Variants in KIF21B observed in about 807,000 individuals in gnomAD.
KIF21B encodes kinesin-like protein KIF21B.
In KIF21B, 85 loss-of-function variants were observed where a neutral mutation model predicts 192.9. The ratio of observed to expected loss-of-function variants is 0.44; its 90% confidence interval spans 0.37 to 0.53. KIF21B has a LOEUF of 0.53. KIF21B is among the 20% of genes least tolerant of loss of function. The pLI is 0.00. For missense variants in KIF21B, 1,716 were observed against 2,194.8 expected (o/e 0.78, Z 4.36); for synonymous variants, 832 against 884.6 (o/e 0.94, Z 1.05).
In KIF21B at chr1:201,008,897, C is replaced by T; in HGVS notation, c.319G>A (p.Glu107Lys). The T allele has an allele frequency of 6.2e-7, 1 of 1,611,942 alleles. No individual in the cohort carries two copies. The highest frequency in any genetic ancestry group is 8.5e-7 in the Non-Finnish European group (1 of 1,180,004). Residue 107 changes from glutamate (E) to lysine (K), a missense_variant, in exon 3 of 35, where the codon GAG becomes AAG. Glu to Lys is a moderately conservative substitution (Grantham distance 56). Coordinates refer to ENST00000461742, the MANE Select transcript of KIF21B (RefSeq NM_001252102.2). ...MGTGFDMATSEEEQGIIPRAI... is the reference protein window; with the variant it reads ...MGTGFDMATSKEEQGIIPRAI... ...CTCGGGATGATGCCCTGCTCCTCCT[C>T]CGACGTTGCCATGTCAAAGCCAGTG... is the stretch of plus-strand genomic sequence containing the variant.
At chr1:201,004,553 C>G in intron 6 of KIF21B, 98 bp from the exon 7 acceptor site, 3 of 1,175,784 alleles carry the variant, frequency 2.6e-6, no homozygotes, top group Non-Finnish European at 3.7e-6. Context: ...GCCTCTTTGG[C>G]CCCAGCAGCC....
chr1:200,979,472 A>G, intron 30 of KIF21B, 63 bp downstream of exon 30: 1 of 1,322,888 alleles, frequency 7.6e-7, no homozygotes, highest in Non-Finnish European at 1.0e-6. Flanking sequence ...TTGGGCTGGG[A>G]GCATCTGTAC....
chr1:201,005,496 C>T, intron 4 of KIF21B, 49 bp downstream of exon 4: 1 of 1,597,338 alleles, frequency 6.3e-7, no homozygotes, highest in Non-Finnish European at 8.6e-7. Context: ...CCAGCCCCTG[C>T]CCTTTCAGGA....
At chr1:200,996,424 G>A in intron 14 of KIF21B, 29 bp from the exon 15 acceptor site, 1 of 1,603,264 alleles carries the variant, frequency 6.2e-7, no homozygotes. Flanking sequence ...AGCTGTCGGT[G>A]CTGGGTCCCT....
intron 23 of KIF21B, 49 bp downstream of exon 23, chr1:200,988,444 C>T (rs1408762120): frequency 6.2e-7 from 1 of 1,611,210 alleles, no homozygotes; most frequent in South Asian, 1.1e-5. Context: ...CCCACCAGCC[C>T]CAGGTACATG....
At chr1:201,005,832 A>T in intron 3 of KIF21B, 138 bp from the exon 4 acceptor site, 1 of 873,852 alleles carries the variant, frequency 1.1e-6, no homozygotes, top group Non-Finnish European at 1.8e-6. Context: ...GAATCCCATG[A>T]CCTTTCTGCA....
At chr1:200,983,211 A>G in intron 27 of KIF21B, 117 bp from the exon 28 acceptor site, 1 of 841,400 alleles carries the variant, frequency 1.2e-6, no homozygotes, top group Non-Finnish European at 1.9e-6. Context: ...CTTCCAGCGG[A>G]GCAGAGACAG....
At chr1:201,020,808 T>TACACACACACACACAC (rs60686711) in intron 1 of KIF21B, among the ~76,000 whole-genome samples, 4,383 of 142,824 alleles carry the variant, frequency 0.031, 124 homozygotes, top group African/African-American at 0.062. Context: ...CTCTCTCCTC[T>TACACACACACACACAC]ACACACACAC....
At chr1:200,973,664 G>A in intron 34 of KIF21B, 86 bp from the exon 35 acceptor site, 2 of 1,510,056 alleles carry the variant, frequency 1.3e-6, no homozygotes, top group Non-Finnish European at 1.8e-6. Flanking sequence ...GGATGAACTG[G>A]ATTCCCCAAA....
rs1372756587 is a variant in KIF21B at position 201,017,107 on chromosome 1, C to G, written c.41+6236G>C. On this transcript the variant is annotated intron_variant, in intron 1 of 34. Transcript: ENST00000461742. The surrounding 1 kb of genome is among the most constrained non-coding windows in gnomAD (Gnocchi z 4.1). ...CTTCTGAGTAACGCTAAGGGTCAGG[C>G]AGGCTAACAGGGGAGGGGGTGCCTG... 2.0e-5 allele frequency among the ~76,000 whole-genome samples: 3 copies of G among 152,160 alleles called. No homozygotes were observed. The East Asian group carries it at 5.8e-4, about 29-fold the overall frequency.
Position 201,004,749 on chromosome 1 carries a change from ACCCACCATGTG to A in KIF21B, c.900+6_900+16del. On this transcript the variant is annotated splice_donor_region_variant and intron_variant, in intron 6 of 34. Transcript: ENST00000461742. ...AGCTGTGTGGGTGCTGGGGCTGATGACCCACCATGTGCCTACCAGGCCACAGTTGATGGAGA... is the reference window on the plus strand; with the variant it reads ...AGCTGTGTGGGTGCTGGGGCTGATGACCTACCAGGCCACAGTTGATGGAGA... The A allele has an allele frequency of 6.2e-7, 1 of 1,613,724 alleles. No individual in the cohort carries two copies. The highest frequency in any genetic ancestry group is 8.5e-7 in the Non-Finnish European group (1 of 1,179,902).
intron 1 of KIF21B, among the ~76,000 whole-genome samples, chr1:201,016,911 A>G (rs1240401820): frequency 6.6e-6 from 1 of 152,076 alleles, no homozygotes; most frequent in Non-Finnish European, 1.5e-5. Context: ...CAGTCTGTCA[A>G]TTCTCTCTGC....
Position 200,984,972 on chromosome 1 carries a change from C to G in KIF21B, c.3690G>C (p.Arg1230Ser). 1 of 1,603,894 alleles carries G rather than the reference C, an allele frequency of 6.2e-7. No individual in the cohort carries two copies. The highest frequency in any genetic ancestry group is 1.1e-5 in the South Asian group (1 of 90,014). The stretch of plus-strand genomic sequence containing the variant: ...GGGGTGTGAATCCCACATCTGTGGA[C>G]CTGGTGAGTCGGGACAGAGGGCAGC... Reference protein sequence around the residue: ...RKSYDRGQPIRSTDVGFTPPS... With the variant: ...RKSYDRGQPISSTDVGFTPPS... Residue 1230 changes from arginine (R) to serine (S), a missense_variant and splice_region_variant, in exon 27 of 35, where the codon AGG (arginine) becomes AGC (serine). This residue lies in a region of KIF21B where 580 missense variants were observed against 775.5 expected (regional missense o/e 0.75). Coordinates refer to ENST00000461742, the MANE Select transcript of KIF21B (RefSeq NM_001252102.2).
chr1:201,005,442 G>T lies in KIF21B; in HGVS notation c.598C>A (p.Leu200Met), dbSNP rs1480284054. The change falls in exon 5 of 35, where the codon CTG becomes ATG. Residue 200 changes from leucine (L) to methionine (M), a missense_variant and splice_region_variant. Physicochemically the swap from Leu to Met is conservative, Grantham distance 15. Coordinates refer to ENST00000461742, the MANE Select transcript of KIF21B (RefSeq NM_001252102.2). ...GCCCCCTGCTTCAGGCACTGGATCA[G>T]CTGGAAACAGAAGCAGAAGTGAGGG... ...TSRLIHSQEE[L>M]IQCLKQGALS... is the part of the protein sequence containing the mutation. 6.2e-7 allele frequency: 1 copy of T among 1,605,116 alleles called. No individual in the cohort carries two copies. Among genetic ancestry groups the T allele is most frequent in the Non-Finnish European group, 8.5e-7 (1 of 1,174,666 alleles).
Position 200,998,285 on chromosome 1 carries a change from G to T in KIF21B, c.2077+99C>A. The T allele has an allele frequency of 3.3e-6, 4 of 1,209,682 alleles. No individual in the cohort carries two copies. The highest frequency in any genetic ancestry group is 4.7e-6 in the Non-Finnish European group (4 of 858,554). The allele number at this position is 1,209,682 out of a possible 1,614,324, so 74.9% of individuals were successfully genotyped here. ...GGTTGGGAAGTCCCTTGCCTAGAAG[G>T]CCAGGATAACCCCAACACACCAGCT... On this transcript the variant is annotated intron_variant, in intron 14 of 34. Transcript: ENST00000461742. This position sits in a 1 kb window ranked among gnomAD's most constrained non-coding sequence, Gnocchi z 4.3.
chr1:200,985,981 G>A (rs924029216), intron 26 of KIF21B, among the ~76,000 whole-genome samples: 2 of 151,296 alleles, frequency 1.3e-5, no homozygotes, highest in Non-Finnish European at 2.9e-5. Context: ...AAGTAACTGG[G>A]ATTACAGGTG....
Position 200,973,918 on chromosome 1 carries a change from G to T in KIF21B, c.4815-340C>A, listed in dbSNP as rs1655369062. 4.0e-6 allele frequency: 6 copies of T among 1,496,606 alleles called. No individual in the cohort carries two copies. The East Asian group carries it at 1.5e-4, about 37-fold the overall frequency. 92.7% of individuals were successfully genotyped at this position (1,496,606 alleles called of 1,614,324 possible). ...TGTTCATGCTTGGAAAAGGACGGTG[G>T]GTGCAGGAGGGACAGGCAGGGCACC... On this transcript the variant is annotated intron_variant, in intron 34 of 34. Coordinates refer to ENST00000461742, the MANE Select transcript of KIF21B (RefSeq NM_001252102.2).
At chr1:201,012,778 G>A (rs1658309934) in intron 1 of KIF21B, among the ~76,000 whole-genome samples, 1 of 152,054 alleles carries the variant, frequency 6.6e-6, no homozygotes, top group Non-Finnish European at 1.5e-5. Context: ...CAAGTAGCTG[G>A]GACAACAGGC....
rs2102462811 is a variant in KIF21B, at chr1:201,008,962, A to G, written c.265-11T>C. 1 of 1,603,782 alleles carries G rather than the reference A, an allele frequency of 6.2e-7. No individual in the cohort carries two copies. Among genetic ancestry groups the G allele is most frequent in the Non-Finnish European group, 8.5e-7 (1 of 1,177,522 alleles). ...CTTCCCGGCCCCCGTCTGCATTGGC[A>G]AAGATAGGAGGGTGTAACCCTGCAC... On this transcript the variant is annotated splice_polypyrimidine_tract_variant and intron_variant, in intron 2 of 34. Coordinates refer to ENST00000461742, the MANE Select transcript of KIF21B (RefSeq NM_001252102.2).
Sources: gnomAD v4.1 joint callset for allele counts (sites outside exome capture counted in the v4.1 genomes callset) on GRCh38, gnomAD v4.1.1 for gene constraint, gnomAD v4.1.1 regional missense constraint, Gnocchi (gnomAD v3.1) non-coding constraint, MANE v1.5 for transcripts, NCBI Gene and HGNC (gene_info 2026-07-23, HGNC 2026-07-21) for gene names.